The following KCNQ1OT1 variants were observed in gnomAD, a reference collection of about 807,000 sequenced individuals.
KCNQ1OT1 encodes KCNQ1 antisense RNA 2 (non-protein coding).
In KCNQ1OT1 at chr11:2,612,840, A is replaced by G; in HGVS notation, n.87155T>C. The G allele has an allele frequency of 2.5e-6, 1 of 398,544 alleles. No individual in the cohort carries two copies. The highest frequency in any genetic ancestry group is 3.6e-5 in the East Asian group (1 of 28,064). 24.7% of individuals were successfully genotyped at this position (398,544 alleles called of 1,614,324 possible). ...GTTAAAAACTTACTTTAGATAATAT[A>G]TCGTAGAAACTCTGGATTCTAGTTC... On this transcript the variant is annotated non_coding_transcript_exon_variant, in exon 1 of 1. Coordinates refer to ENST00000597346, the Ensembl canonical transcript of KCNQ1OT1. This position sits in a 1 kb window ranked among gnomAD's most constrained non-coding sequence, Gnocchi z 5.5.
chr11:2,668,616 T>A lies in KCNQ1OT1; in HGVS notation n.31379A>T, dbSNP rs189751284. The stretch of plus-strand genomic sequence containing the variant: ...TTCTGTATAAATTGCCTACATCTTC[T>A]GCCTGTTTTATGTTTATTTATGGTC... On this transcript the variant is annotated non_coding_transcript_exon_variant, in exon 1 of 1. Coordinates refer to ENST00000597346, the Ensembl canonical transcript of KCNQ1OT1. This position sits in a 1 kb window ranked among gnomAD's most constrained non-coding sequence, Gnocchi z 4.3. 4.6e-3 allele frequency: 1,828 copies of A among 398,666 alleles called. 10 individuals are homozygous for A. Among genetic ancestry groups the A allele is most frequent in the Non-Finnish European group, 6.1e-3 (1,390 of 226,074 alleles). The allele number at this position is 398,666 out of a possible 1,614,324, so 24.7% of individuals were successfully genotyped here. A position where few individuals can be genotyped will look rare whatever the true frequency, so the allele number is the denominator to read the frequency against.
chr11:2,671,214 G>C lies in KCNQ1OT1; in HGVS notation n.28781C>G. 1 of 398,678 alleles carries C rather than the reference G, an allele frequency of 2.5e-6. No homozygotes were observed. The highest frequency in any genetic ancestry group is 4.4e-6 in the Non-Finnish European group (1 of 226,090). 24.7% of individuals were successfully genotyped at this position (398,678 alleles called of 1,614,324 possible). On this transcript the variant is annotated non_coding_transcript_exon_variant, in exon 1 of 1. Coordinates refer to ENST00000597346, the Ensembl canonical transcript of KCNQ1OT1. This position sits in a 1 kb window ranked among gnomAD's most constrained non-coding sequence, Gnocchi z 4.7. The stretch of plus-strand genomic sequence containing the variant: ...AAGAAAAATAAAAGGTAGAGAGACA[G>C]AGGTAGACAGGAGTCCAGGTCTGAC...
rs1211400186 is a variant in KCNQ1OT1, at chr11:2,626,236, G to C, written n.73759C>G. The C allele has an allele frequency of 3.0e-5, 12 of 398,374 alleles. No individual in the cohort carries two copies. Among genetic ancestry groups the C allele is most frequent in the Non-Finnish European group, 5.3e-5 (12 of 226,052 alleles). 24.7% of individuals were successfully genotyped at this position (398,374 alleles called of 1,614,324 possible). On this transcript the variant is annotated non_coding_transcript_exon_variant, in exon 1 of 1. Transcript: ENST00000597346. The surrounding 1 kb of genome is among the most constrained non-coding windows in gnomAD (Gnocchi z 4.0). ...AGTAAGTTTTTGTACACAGTGTTAG[G>C]TAAGGGTCTCAACTTCATTCTCTTT...
At chr11:2,633,459 G>C in exon 1 of KCNQ1OT1, 1 of 398,498 alleles carries the variant, frequency 2.5e-6, no homozygotes, top group Non-Finnish European at 4.4e-6. Flanking sequence ...CCCATATCCT[G>C]AAGGGTTTCC....
rs1035462387 is a variant in KCNQ1OT1, at chr11:2,612,806, A to AT, written n.87188dup. On this transcript the variant is annotated non_coding_transcript_exon_variant, in exon 1 of 1. Coordinates refer to ENST00000597346, the Ensembl canonical transcript of KCNQ1OT1. The surrounding 1 kb of genome is among the most constrained non-coding windows in gnomAD (Gnocchi z 5.5). ...AATTTTCTGTTTCTTTGCATATCTC[A>AT]TTTTTTTTGTTAAAAACTTACTTTA... 465 of 398,128 alleles carry AT rather than the reference A, an allele frequency of 1.2e-3. 6 individuals are homozygous for AT. In the East Asian group the frequency reaches 0.015, roughly 13 times the overall value. The allele number at this position is 398,128 out of a possible 1,614,324, so 24.7% of individuals were successfully genotyped here.
exon 1 of KCNQ1OT1, chr11:2,636,072 A>C (rs1296008324): frequency 6.6e-6 from 1 of 152,240 alleles, no homozygotes; most frequent in Admixed American, 6.5e-5. Context: ...TATCAGCTTA[A>C]GGAGATTTTG....
Position 2,679,147 on chromosome 11 carries a change from T to G in KCNQ1OT1, n.20848A>C, listed in dbSNP as rs1850344167. On this transcript the variant is annotated non_coding_transcript_exon_variant, in exon 1 of 1. Coordinates refer to ENST00000597346, the Ensembl canonical transcript of KCNQ1OT1. The surrounding 1 kb of genome is among the most constrained non-coding windows in gnomAD (Gnocchi z 4.8). Reference sequence around the variant, plus strand: ...GGCCAAAATGGTTTCATGGCATGAGTTGGGCAGCAGCGACTCAGTTTCCAT... The same window carrying G: ...GGCCAAAATGGTTTCATGGCATGAGGTGGGCAGCAGCGACTCAGTTTCCAT... 2.5e-6 allele frequency: 1 copy of G among 398,456 alleles called. No individual in the cohort carries two copies. Among genetic ancestry groups the G allele is most frequent in the Non-Finnish European group, 4.4e-6 (1 of 226,074 alleles). 24.7% of individuals were successfully genotyped at this position (398,456 alleles called of 1,614,324 possible).
rs1211061631 is a variant in KCNQ1OT1 at position 2,613,308 on chromosome 11, A to G, written n.86687T>C. 2.0e-5 allele frequency: 8 copies of G among 398,442 alleles called. No individual in the cohort carries two copies. Among genetic ancestry groups the G allele is most frequent in the Non-Finnish European group, 4.4e-6 (1 of 226,056 alleles). 24.7% of individuals were successfully genotyped at this position (398,442 alleles called of 1,614,324 possible). On this transcript the variant is annotated non_coding_transcript_exon_variant, in exon 1 of 1. Coordinates refer to ENST00000597346, the Ensembl canonical transcript of KCNQ1OT1. The surrounding 1 kb of genome is among the most constrained non-coding windows in gnomAD (Gnocchi z 4.8). ...CATGTACAACTTCCATATCTCCAGA[A>G]TTCCTTTTAAAATTTTTCTTAATCT... is the stretch of plus-strand genomic sequence containing the variant.
chr11:2,656,775 A>G (rs1169285857), exon 1 of KCNQ1OT1: 2 of 398,652 alleles, frequency 5.0e-6, no homozygotes, highest in Non-Finnish European at 8.8e-6. Flanking sequence ...CTTTTAAAAA[A>G]AACCATCCTA....
exon 1 of KCNQ1OT1, chr11:2,692,036 C>A (rs1050685404): frequency 3.8e-5 from 15 of 398,606 alleles, no homozygotes; most frequent in Non-Finnish European, 4.0e-5. Flanking sequence ...GAGGCCCTGA[C>A]CCCCCAAATG....
chr11:2,648,981 CTTTTTTTTTTTTTTT>C, exon 1 of KCNQ1OT1: 8 of 313,730 alleles, frequency 2.5e-5, no homozygotes, highest in African/African-American at 7.9e-5. Context: ...TTTTCTTTTT[CTTTTTTTTTTTTTTT>C]TTTTTTTTGA....
rs1590007554 is a variant in KCNQ1OT1, at chr11:2,652,433, G to A, written n.47562C>T. The A allele has an allele frequency of 2.5e-6, 1 of 398,312 alleles. No homozygotes were observed. Among genetic ancestry groups the A allele is most frequent in the Admixed American group, 4.4e-5 (1 of 22,700 alleles). The allele number at this position is 398,312 out of a possible 1,614,324, so 24.7% of individuals were successfully genotyped here. ...GTGTAATTTTGTCTTGAAAATCAAG[G>A]CCACTTTTTTGTTTTCTCCATCCAA... is the stretch of plus-strand genomic sequence containing the variant. On this transcript the variant is annotated non_coding_transcript_exon_variant, in exon 1 of 1. Coordinates refer to ENST00000597346, the Ensembl canonical transcript of KCNQ1OT1. The surrounding 1 kb of genome is among the most constrained non-coding windows in gnomAD (Gnocchi z 5.9).
Position 2,668,576 on chromosome 11 carries a change from T to G in KCNQ1OT1, n.31419A>C, listed in dbSNP as rs558660915. On this transcript the variant is annotated non_coding_transcript_exon_variant, in exon 1 of 1. Coordinates refer to ENST00000597346, the Ensembl canonical transcript of KCNQ1OT1. The surrounding 1 kb of genome is among the most constrained non-coding windows in gnomAD (Gnocchi z 4.3). ...TTGAGTCCCTTTCCATGTTATCATT[T>G]AGTCAGATACATCATTCTGTATAAA... 2.5e-6 allele frequency: 1 copy of G among 398,672 alleles called. No homozygotes were observed. The highest frequency in any genetic ancestry group is 2.1e-5 in the African/African-American group (1 of 48,770). 24.7% of individuals were successfully genotyped at this position (398,672 alleles called of 1,614,324 possible).
At chr11:2,616,544 G>A (rs147490385) in exon 1 of KCNQ1OT1, 3 of 397,768 alleles carry the variant, frequency 7.5e-6, no homozygotes, top group African/African-American at 4.1e-5. Flanking sequence ...TTTCCTCTGA[G>A]CACTTCTTTC....
chr11:2,680,399 A>AT (rs754610445), exon 1 of KCNQ1OT1: 38 of 398,054 alleles, frequency 9.5e-5, no homozygotes, highest in Non-Finnish European at 1.5e-4. Context: ...ATCCTTCCAT[A>AT]TTTTTTTAGA....
Position 2,620,196 on chromosome 11 carries a change from C to CATTTATAT in KCNQ1OT1, n.79798_79799insATATAAAT. 6.0e-6 allele frequency: 2 copies of CATTTATAT among 335,438 alleles called. No individual in the cohort carries two copies. Among genetic ancestry groups the CATTTATAT allele is most frequent in the Non-Finnish European group, 1.0e-5 (2 of 198,338 alleles). The allele number at this position is 335,438 out of a possible 1,614,324, so 20.8% of individuals were successfully genotyped here. On this transcript the variant is annotated non_coding_transcript_exon_variant, in exon 1 of 1. Transcript: ENST00000597346. This position sits in a 1 kb window ranked among gnomAD's most constrained non-coding sequence, Gnocchi z 4.5. ...TTGCTGCAAAGGACGTAAGTTCATT[C>CATTTATAT]ATGTATATATATATATTTTTTTTTT...
At chr11:2,665,116 C>T (rs945523624) in exon 1 of KCNQ1OT1, 1 of 398,480 alleles carries the variant, frequency 2.5e-6, no homozygotes, top group African/African-American at 2.1e-5. Flanking sequence ...CGCTGCACCC[C>T]AGCCTATAGG....
Position 2,677,179 on chromosome 11 carries a change from G to C in KCNQ1OT1, n.22816C>G, listed in dbSNP as rs1850308500. 2.5e-6 allele frequency: 1 copy of C among 398,374 alleles called. No individual in the cohort carries two copies. Among genetic ancestry groups the C allele is most frequent in the Non-Finnish European group, 4.4e-6 (1 of 226,052 alleles). 24.7% of individuals were successfully genotyped at this position (398,374 alleles called of 1,614,324 possible). A position where few individuals can be genotyped will look rare whatever the true frequency, so the allele number is the denominator to read the frequency against. Reference sequence around the variant, plus strand: ...CTCCCTATCCATCTTATCCCTACTTGTATCTCTGCTGACTGACCTCTTTGG... The same window carrying C: ...CTCCCTATCCATCTTATCCCTACTTCTATCTCTGCTGACTGACCTCTTTGG... On this transcript the variant is annotated non_coding_transcript_exon_variant, in exon 1 of 1. Coordinates refer to ENST00000597346, the Ensembl canonical transcript of KCNQ1OT1. This position sits in a 1 kb window ranked among gnomAD's most constrained non-coding sequence, Gnocchi z 4.5.
At position 2,674,532 on chromosome 11, in the gene KCNQ1OT1, G is replaced by A. The variant is rs1850256899; in HGVS notation, n.25463C>T. 3.0e-5 allele frequency: 12 copies of A among 398,466 alleles called. No individual in the cohort carries two copies. Among genetic ancestry groups the A allele is most frequent in the East Asian group, 2.8e-4 (8 of 28,082 alleles). 24.7% of individuals were successfully genotyped at this position (398,466 alleles called of 1,614,324 possible). A position where few individuals can be genotyped will look rare whatever the true frequency, so the allele number is the denominator to read the frequency against. ...TAGATGGCACTTGCAAAGCCCATTC[G>A]GAGGATTTAGACAAATACCTCGAGT... On this transcript the variant is annotated non_coding_transcript_exon_variant, in exon 1 of 1. Transcript: ENST00000597346. The surrounding 1 kb of genome is among the most constrained non-coding windows in gnomAD (Gnocchi z 5.9).
Sources: allele counts gnomAD v4.1 joint callset, GRCh38; gene constraint gnomAD v4.1.1; non-coding constraint Gnocchi (gnomAD v3.1); transcripts MANE v1.5; gene names NCBI Gene and HGNC (gene_info 2026-07-23, HGNC 2026-07-21).